SCN1A: variants seen among roughly 807,000 people sequenced by gnomAD.
SCN1A encodes sodium channel protein type 1 subunit alpha.
In SCN1A, 13 loss-of-function variants were observed where a neutral mutation model predicts 193.7. The observed-to-expected ratio is 0.07, with a 90% CI of 0.04 to 0.11. The LOEUF is 0.11. SCN1A is among the 10% of genes least tolerant of loss of function. The pLI is 1.00. For missense variants in SCN1A, 1,432 were observed against 2,451.1 expected (o/e 0.58, Z 8.78); for synonymous variants, 781 against 843.6 (o/e 0.93, Z 1.29).
chr2:166,013,974 G>T, intron 20 of SCN1A, 76 bp from the exon 21 acceptor site: 1 of 1,531,250 alleles, frequency 6.5e-7, no homozygotes, highest in Non-Finnish European at 9.0e-7. Flanking sequence ...TCCTTGTCTT[G>T]TCTTTTTATT....
intron 2 of SCN1A, among the ~76,000 whole-genome samples, chr2:166,107,686 G>A (rs1460113695): frequency 4.0e-5 from 6 of 151,884 alleles, no homozygotes; most frequent in Non-Finnish European, 8.8e-5. Flanking sequence ...TTCAGCTTTG[G>A]GTGCTAACAT....
Position 166,043,672 on chromosome 2 carries a change from G to A in SCN1A, c.2040C>T (p.Asp680=). The change falls in exon 14 of 29, where the codon GAC becomes GAT. Residue 680 remains aspartate (D), a synonymous_variant. Coordinates refer to ENST00000674923, the MANE Select transcript of SCN1A (RefSeq NM_001165963.4). ...GAACTATTTAAAACTTCCTTACATT[G>A]TCATCAGTAGCTGGCTTATCTATTA... ...EVIIDKPATD[D]NGTTTETEMR... The A allele has an allele frequency of 6.2e-7, 1 of 1,613,708 alleles. No individual in the cohort carries two copies. The highest frequency in any genetic ancestry group is 2.2e-5 in the East Asian group (1 of 44,860).
rs1057518467 is a variant in SCN1A, at chr2:166,041,242, C to T, written c.2404G>A (p.Val802Ile). 2 of 1,607,712 alleles carry T rather than the reference C, an allele frequency of 1.2e-6. No homozygotes were observed. The highest frequency in any genetic ancestry group is 2.2e-5 in the East Asian group (1 of 44,832). ...TCCAATATGCTTACCAAGTTTCCTA[C>T]TGTAAGCACATTATTGAAATGGTCC... ...MTDHFNNVLT[V>I]GNLVFTGIFT... The change falls in exon 16 of 29, where the codon GTA becomes ATA. Residue 802 changes from valine (V) to isoleucine (I), a missense_variant. Val to Ile is a conservative substitution (Grantham distance 29). Transcript: ENST00000674923.
intron 4 of SCN1A, among the ~76,000 whole-genome samples, chr2:166,069,719 T>C (rs1684217557): frequency 1.3e-5 from 2 of 152,254 alleles, no homozygotes; most frequent in Non-Finnish European, 2.9e-5. Context: ...CCAGAGTCTT[T>C]GTATACTGAT....
At position 166,048,939 on chromosome 2, in the gene SCN1A, A is replaced by G. The variant is rs1698191792; in HGVS notation, c.975T>C (p.Tyr325=). ...KSYIQDSRYH[Y]FLEGFLDALL... ...GTGCATCTAAAAAACCCTCCAGGAA[A>G]TAATGATATCCTGTTTGAAAAAAGA... Residue 325 remains tyrosine (Y), a synonymous_variant, in exon 10 of 29, where the codon TAT becomes TAC. Transcript: ENST00000674923. The G allele has an allele frequency of 6.2e-7, 1 of 1,601,172 alleles. No individual in the cohort carries two copies. Among genetic ancestry groups the G allele is most frequent in the Non-Finnish European group, 8.6e-7 (1 of 1,168,786 alleles).
rs370481828 is a variant in SCN1A, at chr2:166,043,724, G to A, written c.1988C>T (p.Pro663Leu). ...LVGGPSVPTSPVGQLLPEVII... is the reference protein window; with the variant it reads ...LVGGPSVPTSLVGQLLPEVII... ...CACCTCTGGCAGAAGCTGTCCAACA[G>A]GCGATGTAGGAACTGAAGGTCCACC... The change falls in exon 14 of 29, where the codon CCT (proline) becomes CTT (leucine). Residue 663 changes from proline (P) to leucine (L), a missense_variant. By Grantham distance (98) the Pro-to-Leu change is moderately conservative (BLOSUM62 -3). Around this residue, in one of 18 missense-constraint regions of SCN1A, gnomAD observed 316 missense variants for 362.1 expected, o/e 0.87. Coordinates refer to ENST00000674923, the MANE Select transcript of SCN1A (RefSeq NM_001165963.4). 3.1e-6 allele frequency: 5 copies of A among 1,613,972 alleles called. No individual in the cohort carries two copies. In the African/African-American group the frequency reaches 4.0e-5, roughly 13 times the overall value.
At chr2:166,115,849 CAG>C (rs1689795926) in intron 2 of SCN1A, among the ~76,000 whole-genome samples, 1 of 151,990 alleles carries the variant, frequency 6.6e-6, no homozygotes, top group Non-Finnish European at 1.5e-5. Flanking sequence ...CAGAGGAAGA[CAG>C]GGGAATAAGC....
At position 166,125,189 on chromosome 2, in the gene SCN1A, G is replaced by A. The variant is rs190313518; in HGVS notation, c.-142+1735C>T. ...TTTAAAAAGGAAGTGATAACCTCAC[G>A]GAGCACAGCCCCATTGACCCTGAGG... On this transcript the variant is annotated intron_variant, in intron 2 of 28. Coordinates refer to ENST00000674923, the MANE Select transcript of SCN1A (RefSeq NM_001165963.4). Among the ~76,000 whole-genome samples, 95 of 152,232 alleles carry A rather than the reference G, an allele frequency of 6.2e-4. 1 individual carries two copies. The highest frequency in any genetic ancestry group is 2.2e-3 in the African/African-American group (91 of 41,526).
chr2:166,008,890 A>G (rs1375746463), intron 23 of SCN1A, among the ~76,000 whole-genome samples: 1 of 150,922 alleles, frequency 6.6e-6, no homozygotes, highest in Non-Finnish European at 1.5e-5. Flanking sequence ...TTATATATCT[A>G]TAAACTAATG....
chr2:166,138,962 A>T (rs1017406328), intron 1 of SCN1A, among the ~76,000 whole-genome samples: 1 of 152,206 alleles, frequency 6.6e-6, no homozygotes, highest in Non-Finnish European at 1.5e-5. Flanking sequence ...ATCAAAGATC[A>T]TTTTGGAGCT....
intron 2 of SCN1A, among the ~76,000 whole-genome samples, chr2:166,101,670 A>G (rs1225050605): frequency 2.0e-5 from 3 of 152,188 alleles, no homozygotes; most frequent in African/African-American, 7.2e-5. Flanking sequence ...ATAACTGGCT[A>G]ACCATACGCA....
chr2:166,028,305 T>G (rs2105740469), intron 19 of SCN1A, among the ~76,000 whole-genome samples: 1 of 152,264 alleles, frequency 6.6e-6, no homozygotes, highest in African/African-American at 2.4e-5. Context: ...ATCCCCAAGC[T>G]AGAAACCAAA....
At chr2:166,100,650 T>A (rs1292537238) in intron 2 of SCN1A, among the ~76,000 whole-genome samples, 1 of 146,004 alleles carries the variant, frequency 6.8e-6, no homozygotes, top group Non-Finnish European at 1.5e-5. Context: ...TACAATGAAC[T>A]CAAACAAATT....
chr2:165,997,932 A>T, intron 26 of SCN1A, 106 bp downstream of exon 26: 1 of 844,712 alleles, frequency 1.2e-6, no homozygotes, highest in Non-Finnish European at 2.0e-6. Flanking sequence ...CAGTTATAAT[A>T]TATACTCCCA....
chr2:166,056,153 C>A (rs1699106926), intron 6 of SCN1A, among the ~76,000 whole-genome samples: 1 of 151,986 alleles, frequency 6.6e-6, no homozygotes, highest in Non-Finnish European at 1.5e-5. Context: ...GGTTTGGCTA[C>A]TGTAGATTTT....
chr2:166,032,964 C>A (rs1695830451), intron 19 of SCN1A, among the ~76,000 whole-genome samples: 1 of 152,058 alleles, frequency 6.6e-6, no homozygotes, highest in South Asian at 2.1e-4. Context: ...GAGAGCCCTT[C>A]AGAATGGTTT....
intron 9 of SCN1A, 42 bp from the exon 10 acceptor site, chr2:166,048,991 T>C (rs187029783): frequency 1.6e-6 from 2 of 1,216,810 alleles, no homozygotes; most frequent in African/African-American, 1.5e-5. Context: ...ATTTGCATTG[T>C]TAAAAACACT....
At chr2:166,056,091 G>A (rs1030756718) in intron 6 of SCN1A, among the ~76,000 whole-genome samples, 5 of 152,000 alleles carry the variant, frequency 3.3e-5, no homozygotes, top group Admixed American at 2.0e-4. Flanking sequence ...AATTTAACTG[G>A]AACCAATGTC....
intron 4 of SCN1A, chr2:166,060,329 T>G (rs530442976): frequency 6.6e-6 from 1 of 152,166 alleles, no homozygotes; most frequent in Non-Finnish European, 1.5e-5. Context: ...TACTTAGCCC[T>G]CTTTTTCTCT....
Sources: allele counts gnomAD v4.1 joint callset (sites outside exome capture counted in the v4.1 genomes callset), GRCh38; gene constraint gnomAD v4.1.1; regional missense constraint gnomAD v4.1.1; transcripts MANE v1.5; gene names NCBI Gene and HGNC (gene_info 2026-07-23, HGNC 2026-07-21).